The following SRRM4 variants were observed in gnomAD, a reference collection of about 807,000 sequenced individuals.
SRRM4 encodes serine/arginine repetitive matrix protein 4.
In SRRM4, 33 loss-of-function variants were observed where a neutral mutation model predicts 68.9. The ratio of observed to expected loss-of-function variants is 0.48; its 90% CI spans 0.36 to 0.64. The LOEUF is 0.64. SRRM4 is among the 30% of genes least tolerant of loss of function. The pLI is 0.00. For synonymous variants in SRRM4, 318 were observed against 318.8 expected, an observed-to-expected ratio of 1.00 and a Z score of 0.03; for missense variants, 817 against 827.1, an observed-to-expected ratio of 0.99 and a Z score of 0.15.
chr12:119,137,587 G>GGAGAGAGAGAGA (rs55883419), intron 8 of SRRM4, among the ~76,000 whole-genome samples: 3 of 119,192 alleles, frequency 2.5e-5, no homozygotes, highest in South Asian at 3.1e-4. Flanking sequence ...GGTTTGGAGT[G>GGAGAGAGAGAGA]GAGAGAGAGA....
At chr12:119,055,363 G>C (rs1224419233) in intron 1 of SRRM4, among the ~76,000 whole-genome samples, 1 of 152,100 alleles carries the variant, frequency 6.6e-6, no homozygotes, top group Non-Finnish European at 1.5e-5. Context: ...CACACGCAAT[G>C]ATGTTATTTA....
At chr12:119,067,724 A>G (rs1460445053) in intron 1 of SRRM4, among the ~76,000 whole-genome samples, 3 of 151,866 alleles carry the variant, frequency 2.0e-5, no homozygotes, top group Admixed American at 1.3e-4. Context: ...AAATAAATAA[A>G]TAAAAATAAA....
intron 1 of SRRM4, among the ~76,000 whole-genome samples, chr12:119,010,316 G>A (rs905057419): frequency 6.6e-6 from 1 of 152,200 alleles, no homozygotes; most frequent in Non-Finnish European, 1.5e-5. Context: ...GCCTCCCAGA[G>A]TGCTGGGAGT....
intron 1 of SRRM4, among the ~76,000 whole-genome samples, chr12:118,984,624 CAT>C (rs1484387448): frequency 3.3e-5 from 5 of 152,206 alleles, no homozygotes; most frequent in African/African-American, 1.2e-4. Context: ...AGGATAGAAA[CAT>C]ATATTCAATT....
intron 1 of SRRM4, chr12:119,030,891 T>C (rs181535863): frequency 1.3e-5 from 2 of 152,340 alleles, no homozygotes; most frequent in Admixed American, 1.3e-4. Context: ...TTCATTGACA[T>C]TTACACTGTT....
chr12:119,059,488 T>C (rs973325807), intron 1 of SRRM4, among the ~76,000 whole-genome samples: 1 of 152,114 alleles, frequency 6.6e-6, no homozygotes, highest in Admixed American at 6.6e-5. Context: ...TCATTGGCCA[T>C]GACCAGGAAA....
chr12:119,040,151 C>A lies in SRRM4; in HGVS notation c.131+58138C>A, dbSNP rs1008321112. 1.3e-5 allele frequency among the ~76,000 whole-genome samples: 2 copies of A among 152,202 alleles called. 1 individual carries two copies. Among genetic ancestry groups the A allele is most frequent in the South Asian group, 4.2e-4 (2 of 4,810 alleles). ...AAGGCACCTGTCCCTACATTAATAA[C>A]AATAAGAACAATAATAATAATAGCA... is the stretch of plus-strand genomic sequence containing the variant. On this transcript the variant is annotated intron_variant, in intron 1 of 12. Coordinates refer to ENST00000267260, the MANE Select transcript of SRRM4 (RefSeq NM_194286.4).
intron 1 of SRRM4, among the ~76,000 whole-genome samples, chr12:119,059,722 T>C (rs576455118): frequency 6.6e-6 from 1 of 152,330 alleles, no homozygotes; most frequent in African/African-American, 2.4e-5. Flanking sequence ...GGCAGTTGCA[T>C]CTTCTCCATA....
intron 8 of SRRM4, among the ~76,000 whole-genome samples, chr12:119,141,921 A>G (rs1255804796): frequency 6.6e-6 from 1 of 152,220 alleles, no homozygotes; most frequent in Non-Finnish European, 1.5e-5. Flanking sequence ...GGTCTGGAGG[A>G]TGAGAGAAGG....
chr12:119,139,799 G>A (rs555533328), intron 8 of SRRM4, among the ~76,000 whole-genome samples: 2 of 152,198 alleles, frequency 1.3e-5, no homozygotes, highest in Admixed American at 6.5e-5. Flanking sequence ...AGAAAAAGGT[G>A]TACTATCTCT....
chr12:119,020,397 G>A (rs1953509235), intron 1 of SRRM4, among the ~76,000 whole-genome samples: 1 of 152,168 alleles, frequency 6.6e-6, no homozygotes, highest in African/African-American at 2.4e-5. Flanking sequence ...CGACCAGTAT[G>A]GTAGATAAAA....
At chr12:119,045,967 G>C (rs11611295) in intron 1 of SRRM4, among the ~76,000 whole-genome samples, 34,736 of 151,990 alleles carry the variant, frequency 0.23, 4,748 homozygotes, top group Middle Eastern at 0.41. Flanking sequence ...GAACCCGGGA[G>C]GCAGAGGTTG....
At chr12:119,136,081 T>C (rs969424865) in intron 8 of SRRM4, among the ~76,000 whole-genome samples, 2 of 152,176 alleles carry the variant, frequency 1.3e-5, no homozygotes, top group African/African-American at 2.4e-5. Flanking sequence ...CTAGTTGCCA[T>C]AATATTTTTT....
In SRRM4 at chr12:119,157,233, C is replaced by T. The variant is rs1395384814; in HGVS notation, c.*435C>T. On this transcript the variant is annotated 3_prime_UTR_variant, in exon 13 of 13. Coordinates refer to ENST00000267260, the MANE Select transcript of SRRM4 (RefSeq NM_194286.4). The surrounding 1 kb of genome is among the most constrained non-coding windows in gnomAD (Gnocchi z 4.1). Reference sequence around the variant, plus strand: ...CCACTAGTCCAACTTCATGGCTGCACGTGGATGGACCCCCATGTCTGAGAG... The same window carrying T: ...CCACTAGTCCAACTTCATGGCTGCATGTGGATGGACCCCCATGTCTGAGAG... 3.5e-5 allele frequency: 6 copies of T among 170,320 alleles called. No individual in the cohort carries two copies. Among genetic ancestry groups the T allele is most frequent in the Non-Finnish European group, 7.5e-5 (6 of 79,688 alleles). 10.6% of individuals were successfully genotyped at this position (170,320 alleles called of 1,614,324 possible). A position where few individuals can be genotyped will look rare whatever the true frequency, so the allele number is the denominator to read the frequency against.
rs753775015 is a variant in SRRM4 at position 119,145,553 on chromosome 12, G to A, written c.944G>A (p.Gly315Asp). ...RGQEKGSPSG[G>D]LSKSRELNSG... The stretch of plus-strand genomic sequence containing the variant: ...CAGGAGAAGGGGAGCCCCAGTGGGG[G>A]CTTGAGCAAGAGCCGGGAGCTCAAC... The change falls in exon 9 of 13, where the codon GGC becomes GAC. Residue 315 changes from glycine to aspartate, a missense_variant. Physicochemically the swap from Gly to Asp is moderately conservative, Grantham distance 94. Transcript: ENST00000267260. The A allele has an allele frequency of 2.5e-6, 4 of 1,606,372 alleles. No individual in the cohort carries two copies. Among genetic ancestry groups the A allele is most frequent in the South Asian group, 1.1e-5 (1 of 90,076 alleles).
chr12:119,039,391 T>C (rs1254327785), intron 1 of SRRM4, among the ~76,000 whole-genome samples: 1 of 152,232 alleles, frequency 6.6e-6, no homozygotes, highest in African/African-American at 2.4e-5. Flanking sequence ...ACATCAACTA[T>C]TTTCTTCTCT....
chr12:119,068,076 G>T (rs1953857250), intron 1 of SRRM4, among the ~76,000 whole-genome samples: 1 of 152,214 alleles, frequency 6.6e-6, no homozygotes, highest in Non-Finnish European at 1.5e-5. Flanking sequence ...CCAGGACCGT[G>T]GCAGCGTAAC....
intron 1 of SRRM4, among the ~76,000 whole-genome samples, chr12:119,045,490 C>A (rs1464186347): frequency 3.4e-5 from 5 of 148,372 alleles, no homozygotes; most frequent in African/African-American, 1.3e-4. Flanking sequence ...CCCCGCTCCC[C>A]CCCGCCCCAA....
At chr12:119,077,379 C>T (rs118158692) in intron 1 of SRRM4, among the ~76,000 whole-genome samples, 2,027 of 152,238 alleles carry the variant, frequency 0.013, 16 homozygotes, top group Middle Eastern at 0.027. Flanking sequence ...TTGGAATTAA[C>T]ACACTTACGA....
Sources: allele counts gnomAD v4.1 joint callset (sites outside exome capture counted in the v4.1 genomes callset), GRCh38; gene constraint gnomAD v4.1.1; non-coding constraint Gnocchi (gnomAD v3.1); transcripts MANE v1.5; gene names NCBI Gene and HGNC (gene_info 2026-07-23, HGNC 2026-07-21).